The following MED27 variants were observed in gnomAD, a reference collection of about 807,000 sequenced individuals.
The protein encoded by MED27 is mediator complex subunit 27.
MED27 carries 30 observed loss-of-function variants against 38.2 expected under a neutral mutation model. The observed-to-expected ratio is 0.79, with a 90% CI of 0.59 to 1.07. The LOEUF is 1.07. Ranked by LOEUF, MED27 falls within the 50% of genes least tolerant of loss-of-function variation. MED27 has a pLI of 0.00. For synonymous variants in MED27, 122 were observed against 153.5 expected, an observed-to-expected ratio of 0.79 and a Z score of 1.52; for missense variants, 289 against 397.5, an observed-to-expected ratio of 0.73 and a Z score of 2.32.
chr9:132,068,713 A>T (rs1198884664), intron 2 of MED27, among the ~76,000 whole-genome samples: 1 of 151,774 alleles, frequency 6.6e-6, no homozygotes, highest in African/African-American at 2.4e-5. Flanking sequence ...GGTGGGGGTG[A>T]GGATTTCAGT....
At chr9:132,053,593 A>G (rs1833511489) in intron 2 of MED27, among the ~76,000 whole-genome samples, 1 of 152,230 alleles carries the variant, frequency 6.6e-6, no homozygotes, top group South Asian at 2.1e-4. Flanking sequence ...AAATTGAGGC[A>G]CGGAGACATG....
chr9:131,960,655 G>A (rs1223763186), intron 3 of MED27, among the ~76,000 whole-genome samples: 2 of 152,178 alleles, frequency 1.3e-5, no homozygotes, highest in Admixed American at 1.3e-4. Flanking sequence ...GTAAAAACAC[G>A]TGTAGTACCA....
At chr9:131,885,333 A>T (rs568265171) in intron 5 of MED27, among the ~76,000 whole-genome samples, 1 of 152,324 alleles carries the variant, frequency 6.6e-6, no homozygotes, top group South Asian at 2.1e-4. Context: ...GTGGTGCTCA[A>T]ATCCTGGCTG....
intron 3 of MED27, among the ~76,000 whole-genome samples, chr9:131,960,629 T>A (rs117183045): frequency 6.6e-6 from 1 of 152,214 alleles, no homozygotes; most frequent in African/African-American, 2.4e-5. Context: ...AAATGGGAGA[T>A]AATCATTCCA....
At chr9:132,070,144 A>G (rs1411439775) in intron 2 of MED27, among the ~76,000 whole-genome samples, 1 of 152,256 alleles carries the variant, frequency 6.6e-6, no homozygotes, top group Non-Finnish European at 1.5e-5. Flanking sequence ...AAGGGGGATA[A>G]GGATTCAAAC....
At chr9:132,068,861 A>C (rs1833868032) in intron 2 of MED27, among the ~76,000 whole-genome samples, 1 of 152,186 alleles carries the variant, frequency 6.6e-6, no homozygotes, top group Non-Finnish European at 1.5e-5. Flanking sequence ...TGTGGCTGGC[A>C]AGTGAAGCCA....
rs141731112 is a variant in MED27, at chr9:131,958,306, G to A, written c.480-18832C>T. ...GTTGCCCAGGCTGGAGTGCAATGGC[G>A]CGATCTCAGCTCACTGCACACCTCC... On this transcript the variant is annotated intron_variant, in intron 3 of 7. Coordinates refer to ENST00000292035, the MANE Select transcript of MED27 (RefSeq NM_004269.4). 7.6e-3 allele frequency among the ~76,000 whole-genome samples: 1,153 copies of A among 150,912 alleles called. 14 individuals carry two copies. Among genetic ancestry groups the A allele is most frequent in the African/African-American group, 0.026 (1,075 of 41,028 alleles).
chr9:131,966,216 C>CA (rs946749791), intron 3 of MED27, among the ~76,000 whole-genome samples: 15 of 115,372 alleles, frequency 1.3e-4, no homozygotes, highest in African/African-American at 3.2e-4. Flanking sequence ...AAAAAAAAAA[C>CA]AAAACAAAAC....
chr9:132,058,779 A>T (rs1833636644), intron 2 of MED27, among the ~76,000 whole-genome samples: 1 of 152,194 alleles, frequency 6.6e-6, no homozygotes, highest in South Asian at 2.1e-4. Context: ...CTGTATCAAA[A>T]GCTAAGGGTT....
chr9:131,999,168 T>G (rs1346983191), intron 3 of MED27, among the ~76,000 whole-genome samples: 2 of 152,130 alleles, frequency 1.3e-5, no homozygotes, highest in Non-Finnish European at 2.9e-5. Context: ...AGAGTTCCAT[T>G]CCTTTAAAAG....
At chr9:131,935,702 C>T (rs114085150) in intron 4 of MED27, among the ~76,000 whole-genome samples, 3,042 of 152,142 alleles carry the variant, frequency 0.02, 107 homozygotes, top group African/African-American at 0.069. Flanking sequence ...GAGATGACCA[C>T]GGGTCGGGAG....
chr9:132,057,024 C>T (rs1833593423), intron 2 of MED27, among the ~76,000 whole-genome samples: 1 of 152,212 alleles, frequency 6.6e-6, no homozygotes, highest in Non-Finnish European at 1.5e-5. Flanking sequence ...CCCACAGCAC[C>T]AAGACTCACA....
In MED27 at chr9:131,887,327, A is replaced by G. The variant is rs61619971; in HGVS notation, c.682-3228T>C. Among the ~76,000 whole-genome samples the G allele has an allele frequency of 3.0e-3, 463 of 152,298 alleles. 3 individuals carry two copies. Among genetic ancestry groups the G allele is most frequent in the African/African-American group, 0.011 (445 of 41,562 alleles). Reference sequence around the variant, plus strand: ...ATGATGCTCTTTTTAAAAGGTTTAAATGTATTATTCAGGACCCTAGGGAAA... The same window carrying G: ...ATGATGCTCTTTTTAAAAGGTTTAAGTGTATTATTCAGGACCCTAGGGAAA... On this transcript the variant is annotated intron_variant, in intron 5 of 7. Coordinates refer to ENST00000292035, the MANE Select transcript of MED27 (RefSeq NM_004269.4).
intron 6 of MED27, among the ~76,000 whole-genome samples, chr9:131,877,181 A>G (rs979923061): frequency 6.6e-6 from 1 of 152,214 alleles, no homozygotes; most frequent in Non-Finnish European, 1.5e-5. Flanking sequence ...TGTCACAACC[A>G]TGGCCTCTTC....
intron 3 of MED27, among the ~76,000 whole-genome samples, chr9:131,986,365 T>C (rs138556511): frequency 2.0e-5 from 3 of 152,332 alleles, no homozygotes; most frequent in East Asian, 3.9e-4. Flanking sequence ...TTGTTTGTTA[T>C]AGAGGCAGGG....
At chr9:132,066,351 C>A (rs1482637180) in intron 2 of MED27, among the ~76,000 whole-genome samples, 1 of 152,244 alleles carries the variant, frequency 6.6e-6, no homozygotes, top group Non-Finnish European at 1.5e-5. Context: ...CTCCTTGCAG[C>A]TGACCCAGGG....
intron 4 of MED27, among the ~76,000 whole-genome samples, chr9:131,918,081 A>AT (rs1462257743): frequency 2.6e-5 from 4 of 152,226 alleles, no homozygotes; most frequent in African/African-American, 9.6e-5. Flanking sequence ...CAACATTTAA[A>AT]TTCACTATTG....
chr9:132,014,561 C>G, intron 2 of MED27, 94 bp from the exon 3 acceptor site: 2 of 1,261,782 alleles, frequency 1.6e-6, no homozygotes. Context: ...ATAATCTTAT[C>G]CCCTTAGAAC....
intron 6 of MED27, among the ~76,000 whole-genome samples, chr9:131,873,737 G>C (rs1056474175): frequency 6.6e-6 from 1 of 152,218 alleles, no homozygotes; most frequent in African/African-American, 2.4e-5. Context: ...GGCAGACATT[G>C]CTGCTCCATC....
Sources: gnomAD v4.1 joint callset for allele counts (sites outside exome capture counted in the v4.1 genomes callset) on GRCh38, gnomAD v4.1.1 for gene constraint, MANE v1.5 for transcripts, NCBI Gene and HGNC (gene_info 2026-07-23, HGNC 2026-07-21) for gene names.